PDE8A: variants seen among roughly 807,000 people sequenced by gnomAD.
The protein encoded by PDE8A is phosphodiesterase 8A.
Under a neutral mutation model 105.0 loss-of-function variants are expected in PDE8A, and 59 were observed. The observed-to-expected ratio is 0.56, with a 90% CI of 0.46 to 0.70. The LOEUF is 0.70. PDE8A is among the 30% of genes least tolerant of loss of function. The probability of loss-of-function intolerance (pLI) is 0.00; values close to 1 mark genes in which losing one functional copy is unlikely to be tolerated. For synonymous variants in PDE8A, 355 were observed against 371.9 expected (o/e 0.95, Z 0.52); for missense variants, 1,014 against 1,045.9 (o/e 0.97, Z 0.42).
chr15:85,066,572 C>A (rs2081228426), intron 2 of PDE8A, among the ~76,000 whole-genome samples: 1 of 143,294 alleles, frequency 7.0e-6, no homozygotes, highest in Non-Finnish European at 1.5e-5. Context: ...GCCCACCCAC[C>A]ATCCCCCCAA....
Position 85,135,502 on chromosome 15 carries a change from C to G in PDE8A, c.2254-1032C>G, listed in dbSNP as rs555688182. Among the ~76,000 whole-genome samples, 6 of 152,236 alleles carry G rather than the reference C, an allele frequency of 3.9e-5. No homozygotes were observed. The East Asian group carries it at 1.2e-3, about 29-fold the overall frequency. On this transcript the variant is annotated intron_variant, in intron 20 of 21. Coordinates refer to ENST00000394553, the MANE Select transcript of PDE8A (RefSeq NM_002605.3). ...GTCCCATCTAGAAGAGCTGCTCCCCCCAGCCCACTCCTACCTCACTCCATC... is the reference window on the plus strand; with the variant it reads ...GTCCCATCTAGAAGAGCTGCTCCCCGCAGCCCACTCCTACCTCACTCCATC...
At chr15:85,087,489 C>G (rs1016583765) in intron 6 of PDE8A, among the ~76,000 whole-genome samples, 5 of 152,202 alleles carry the variant, frequency 3.3e-5, no homozygotes, top group African/African-American at 1.2e-4. Flanking sequence ...TGTGATCCAC[C>G]GTGCCTGGCC....
chr15:85,005,524 T>C (rs897895851), intron 1 of PDE8A, among the ~76,000 whole-genome samples: 1 of 152,220 alleles, frequency 6.6e-6, no homozygotes, highest in Admixed American at 6.5e-5. Context: ...TTGAAAAATA[T>C]GCCCCCTGGT....
At chr15:84,990,814 C>T (rs1302161362) in intron 1 of PDE8A, among the ~76,000 whole-genome samples, 1 of 152,098 alleles carries the variant, frequency 6.6e-6, no homozygotes, top group African/African-American at 2.4e-5. Flanking sequence ...TGACCTTTTC[C>T]CAAAATAGTT....
At chr15:85,118,269 C>G (rs1286689706) in intron 17 of PDE8A, among the ~76,000 whole-genome samples, 1 of 152,118 alleles carries the variant, frequency 6.6e-6, no homozygotes, top group Non-Finnish European at 1.5e-5. Flanking sequence ...GGGTTATCTA[C>G]CTAATCCAGG....
intron 1 of PDE8A, among the ~76,000 whole-genome samples, chr15:85,033,177 C>G (rs888542941): frequency 2.6e-5 from 4 of 152,168 alleles, no homozygotes; most frequent in African/African-American, 9.7e-5. Flanking sequence ...GACTACAGAT[C>G]TCAGGAAAAG....
chr15:85,035,197 C>CTTTTT lies in PDE8A; in HGVS notation c.187-29149_187-29145dup, dbSNP rs35548176. Among the ~76,000 whole-genome samples the CTTTTT allele has an allele frequency of 1.0e-3, 58 of 57,786 alleles. 7 individuals are homozygous for CTTTTT. Among genetic ancestry groups the CTTTTT allele is most frequent in the Non-Finnish European group, 1.5e-3 (50 of 33,792 alleles). The allele number at this position is 57,786 out of a possible 152,430, so 37.9% of individuals were successfully genotyped here. A position where few individuals can be genotyped will look rare whatever the true frequency, so the allele number is the denominator to read the frequency against. On this transcript the variant is annotated intron_variant, in intron 1 of 21. Transcript: ENST00000394553. Reference sequence around the variant, plus strand: ...GCAGGACCTCACCTCTGGGTATTTCCTTTTTTTTTTTTTTTTTTTTTTTTT... The same window carrying CTTTTT: ...GCAGGACCTCACCTCTGGGTATTTCCTTTTTTTTTTTTTTTTTTTTTTTTTTTTTT...
chr15:85,050,190 GT>G (rs2141416066), intron 1 of PDE8A, among the ~76,000 whole-genome samples: 1 of 152,194 alleles, frequency 6.6e-6, no homozygotes, highest in Admixed American at 6.5e-5. Context: ...GATTATAGGG[GT>G]TCTCTATATA....
At position 85,136,141 on chromosome 15, in the gene PDE8A, C is replaced by G. The variant is rs948386687; in HGVS notation, c.2254-393C>G. Among the ~76,000 whole-genome samples, 3 of 152,318 alleles carry G rather than the reference C, an allele frequency of 2.0e-5. No homozygotes were observed. The East Asian group carries it at 5.8e-4, about 29-fold the overall frequency. The stretch of plus-strand genomic sequence containing the variant: ...CACTCCCCACCCTGACCTAAGTAAT[C>G]GCCTGCTCTGTGGACTCTAGGCCAG... On this transcript the variant is annotated intron_variant, in intron 20 of 21. Coordinates refer to ENST00000394553, the MANE Select transcript of PDE8A (RefSeq NM_002605.3).
In PDE8A at chr15:85,117,935, C is replaced by T. The variant is rs1196787968; in HGVS notation, c.1734+96C>T. ...CTAAGATACATAGCATGACTGCTCACGTGTGCAGCCTGGCACAGGAAGGGC... is the reference window on the plus strand; with the variant it reads ...CTAAGATACATAGCATGACTGCTCATGTGTGCAGCCTGGCACAGGAAGGGC... On this transcript the variant is annotated intron_variant, in intron 17 of 21. Coordinates refer to ENST00000394553, the MANE Select transcript of PDE8A (RefSeq NM_002605.3). 1.0e-5 allele frequency: 10 copies of T among 991,506 alleles called. No individual in the cohort carries two copies. The East Asian group carries it at 1.7e-4, about 17-fold the overall frequency. 61.4% of individuals were successfully genotyped at this position (991,506 alleles called of 1,614,324 possible). A position where few individuals can be genotyped will look rare whatever the true frequency, so the allele number is the denominator to read the frequency against.
chr15:85,085,327 G>A (rs1005429007), intron 6 of PDE8A, among the ~76,000 whole-genome samples: 3 of 152,184 alleles, frequency 2.0e-5, no homozygotes, highest in African/African-American at 4.8e-5. Context: ...ATAGAGTCTT[G>A]TTCTTTCAGA....
chr15:85,024,526 C>T (rs2080481452), intron 1 of PDE8A, among the ~76,000 whole-genome samples: 1 of 151,604 alleles, frequency 6.6e-6, no homozygotes, highest in Non-Finnish European at 1.5e-5. Context: ...GTGGGCCAGT[C>T]AGTCTTTCAT....
intron 6 of PDE8A, among the ~76,000 whole-genome samples, chr15:85,084,240 G>C (rs986240954): frequency 2.0e-5 from 3 of 152,180 alleles, no homozygotes; most frequent in Non-Finnish European, 4.4e-5. Context: ...GGATCAAAGA[G>C]AGAATTGGAT....
In PDE8A at chr15:85,116,006, T is replaced by C; in HGVS notation, c.1422T>C (p.Asn474=). 1 of 1,613,354 alleles carries C rather than the reference T, an allele frequency of 6.2e-7. No individual in the cohort carries two copies. ...CAGACACTCAAATGGTTTCAAGCAA[T>C]ATAATCACTCCCATCTCCCTTGATG... ...STKNTQMVSS[N]IITPISLDDV... Residue 474 remains asparagine (N), a synonymous_variant, in exon 16 of 22, where the codon AAT becomes AAC. Coordinates refer to ENST00000394553, the MANE Select transcript of PDE8A (RefSeq NM_002605.3).
At chr15:84,985,943 G>C (rs140325775) in intron 1 of PDE8A, among the ~76,000 whole-genome samples, 1 of 152,276 alleles carries the variant, frequency 6.6e-6, no homozygotes, top group African/African-American at 2.4e-5. Flanking sequence ...AGATTAAAGA[G>C]GCTGGGCGCG....
At chr15:85,110,799 A>C (rs1439808109) in intron 12 of PDE8A, among the ~76,000 whole-genome samples, 1 of 152,130 alleles carries the variant, frequency 6.6e-6, no homozygotes, top group Non-Finnish European at 1.5e-5. Context: ...TGGGATTGCT[A>C]GGCCTTAGAG....
chr15:85,126,343 C>T lies in PDE8A; in HGVS notation c.2222C>T (p.Ala741Val). ...CRPLQYCIEW[A>V]ARISEEYFSQ... ...CCCCTGCAGTACTGCATCGAGTGGG[C>T]TGCACGCATTTCGGAAGAATATTTT... Residue 741 changes from alanine to valine, a missense_variant, in exon 20 of 22, where the codon GCT becomes GTT. By Grantham distance (64) the Ala-to-Val change is moderately conservative. Transcript: ENST00000394553. 1 of 1,592,696 alleles carries T rather than the reference C, an allele frequency of 6.3e-7. No individual in the cohort carries two copies. The highest frequency in any genetic ancestry group is 8.6e-7 in the Non-Finnish European group (1 of 1,168,644).
chr15:85,019,944 T>G (rs1337533781), intron 1 of PDE8A, among the ~76,000 whole-genome samples: 31 of 16,264 alleles, frequency 1.9e-3, no homozygotes, highest in Admixed American at 4.0e-3. Flanking sequence ...TTTTTTTTGG[T>G]TTTTTTTTTT....
At chr15:85,036,579 G>A (rs2080710414) in intron 1 of PDE8A, among the ~76,000 whole-genome samples, 1 of 152,178 alleles carries the variant, frequency 6.6e-6, no homozygotes. Flanking sequence ...CAGGTAGAAT[G>A]TTGACCTGGG....
Sources: allele counts gnomAD v4.1 joint callset (sites outside exome capture counted in the v4.1 genomes callset), GRCh38; gene constraint gnomAD v4.1.1; transcripts MANE v1.5; gene names NCBI Gene and HGNC (gene_info 2026-07-23, HGNC 2026-07-21).